BBS9: variants seen among roughly 807,000 people sequenced by gnomAD.
The protein encoded by BBS9 is Bardet-Biedl syndrome 9.
In BBS9, 89 loss-of-function variants were observed where a neutral mutation model predicts 117.7. That is an observed-to-expected ratio of 0.76 (90% CI 0.64 to 0.90). BBS9 has a LOEUF of 0.90. Ranked by LOEUF, BBS9 falls within the 40% of genes least tolerant of loss-of-function variation. BBS9 has a pLI of 0.00. For synonymous variants in BBS9, 379 were observed against 370.9 expected (o/e 1.02, Z -0.25); for missense variants, 982 against 1,042.2 (o/e 0.94, Z 0.80).
chr7:33,366,121 A>G (rs1165070709), intron 16 of BBS9, among the ~76,000 whole-genome samples: 1 of 152,102 alleles, frequency 6.6e-6, no homozygotes, highest in African/African-American at 2.4e-5. Flanking sequence ...AACAGCAGCT[A>G]CTTCTTGAGC....
chr7:33,441,183 AG>A (rs1291207868), intron 19 of BBS9, among the ~76,000 whole-genome samples: 5 of 152,222 alleles, frequency 3.3e-5, no homozygotes, highest in African/African-American at 1.2e-4. Context: ...GCAGAGTAAA[AG>A]AATCATCAAC....
At chr7:33,212,247 C>T (rs1788161566) in intron 5 of BBS9, among the ~76,000 whole-genome samples, 1 of 152,100 alleles carries the variant, frequency 6.6e-6, no homozygotes, top group South Asian at 2.1e-4. Context: ...TGTAGACATG[C>T]TTCATTTTAT....
intron 21 of BBS9, among the ~76,000 whole-genome samples, chr7:33,541,397 A>G (rs1024225982): frequency 2.6e-5 from 4 of 152,194 alleles, no homozygotes; most frequent in Non-Finnish European, 5.9e-5. Context: ...CCAAATGCCC[A>G]TCAATCAATG....
At chr7:33,258,041 T>C (rs984170032) in intron 6 of BBS9, among the ~76,000 whole-genome samples, 2 of 152,314 alleles carry the variant, frequency 1.3e-5, no homozygotes, top group African/African-American at 4.8e-5. Context: ...GAGACTGTTT[T>C]CTTCTCCACC....
chr7:33,513,885 A>G (rs565236580), intron 20 of BBS9, among the ~76,000 whole-genome samples: 3 of 152,342 alleles, frequency 2.0e-5, no homozygotes, highest in African/African-American at 7.2e-5. Context: ...TGAAATCGAC[A>G]TACCCACTTA....
chr7:33,332,167 C>T (rs1007692330), intron 9 of BBS9, among the ~76,000 whole-genome samples: 14 of 148,506 alleles, frequency 9.4e-5, no homozygotes, highest in South Asian at 2.1e-4. Flanking sequence ...GCGAACTGAT[C>T]TTTGACAAAG....
At chr7:33,180,954 A>T (rs1798015444) in intron 5 of BBS9, among the ~76,000 whole-genome samples, 1 of 152,192 alleles carries the variant, frequency 6.6e-6, no homozygotes, top group African/African-American at 2.4e-5. Context: ...AAGGCGACAA[A>T]GTATTTCCTT....
At chr7:33,611,596 T>TATTA (rs35609822) in intron 21 of BBS9, among the ~76,000 whole-genome samples, 47,454 of 136,146 alleles carry the variant, frequency 0.35, 10,881 homozygotes, top group African/African-American at 0.65. Context: ...TATATAATAA[T>TATTA]ATTATTTAAT....
intron 4 of BBS9, among the ~76,000 whole-genome samples, chr7:33,165,721 G>C (rs1363990259): frequency 6.6e-6 from 1 of 152,028 alleles, no homozygotes; most frequent in Admixed American, 6.6e-5. Flanking sequence ...GTTTATTCTA[G>C]TTAGCCATTC....
chr7:33,491,983 T>A (rs189704068), intron 19 of BBS9, among the ~76,000 whole-genome samples: 1 of 152,182 alleles, frequency 6.6e-6, no homozygotes, highest in Non-Finnish European at 1.5e-5. Context: ...GTGGATCACT[T>A]GAAGCCAGGG....
At chr7:33,209,796 T>C (rs1787667045) in intron 5 of BBS9, among the ~76,000 whole-genome samples, 1 of 152,138 alleles carries the variant, frequency 6.6e-6, no homozygotes, top group Non-Finnish European at 1.5e-5. Context: ...TTTTATTACT[T>C]AGTCTGGCTA....
intron 7 of BBS9, 52 bp from the exon 8 acceptor site, chr7:33,272,960 C>T: frequency 6.4e-7 from 1 of 1,568,384 alleles, no homozygotes; most frequent in South Asian, 1.1e-5. Context: ...ATGAAAATAA[C>T]TGAAATTTTC....
chr7:33,515,397 G>GT (rs574958718), intron 20 of BBS9, among the ~76,000 whole-genome samples: 177 of 152,252 alleles, frequency 1.2e-3, no homozygotes, highest in African/African-American at 4.0e-3. Context: ...TCCCTCCCGT[G>GT]TACTATAACG....
At chr7:33,632,000 T>C (rs1223208264) in intron 21 of BBS9, among the ~76,000 whole-genome samples, 3 of 152,158 alleles carry the variant, frequency 2.0e-5, no homozygotes, top group African/African-American at 7.2e-5. Flanking sequence ...AGGTATTGTA[T>C]TTCGTGTTGA....
chr7:33,260,771 G>A (rs571765488), intron 6 of BBS9, among the ~76,000 whole-genome samples: 22 of 152,290 alleles, frequency 1.4e-4, no homozygotes, highest in African/African-American at 4.8e-4. Context: ...ATAGGATGCT[G>A]AGGAGGCCTC....
chr7:33,153,851 AG>A (rs1233422688), intron 3 of BBS9, among the ~76,000 whole-genome samples: 1 of 152,236 alleles, frequency 6.6e-6, no homozygotes, highest in African/African-American at 2.4e-5. Flanking sequence ...TCCATCTAAA[AG>A]CAGATGGTGA....
chr7:33,436,253 A>G (rs890420136), intron 19 of BBS9, among the ~76,000 whole-genome samples: 5 of 152,202 alleles, frequency 3.3e-5, no homozygotes, highest in African/African-American at 1.2e-4. Context: ...AGCAAAACAT[A>G]CACCATTGCT....
At chr7:33,331,908 C>T (rs1448284742) in intron 9 of BBS9, among the ~76,000 whole-genome samples, 1 of 152,038 alleles carries the variant, frequency 6.6e-6, no homozygotes, top group East Asian at 1.9e-4. Flanking sequence ...ATGCAATTCC[C>T]ATCAAAATAC....
chr7:33,315,830 A>G (rs1424902966), intron 9 of BBS9, among the ~76,000 whole-genome samples: 2 of 152,154 alleles, frequency 1.3e-5, no homozygotes, highest in Non-Finnish European at 2.9e-5. Context: ...TTATTATGGA[A>G]AAGTTCAAAT....
Sources: allele counts gnomAD v4.1 joint callset (sites outside exome capture counted in the v4.1 genomes callset), GRCh38; gene constraint gnomAD v4.1.1; transcripts MANE v1.5; gene names NCBI Gene and HGNC (gene_info 2026-07-23, HGNC 2026-07-21).